IQGAP2: variants seen among roughly 807,000 people sequenced by gnomAD.
IQGAP2 encodes ras GTPase-activating-like protein IQGAP2.
IQGAP2 carries 173 observed loss-of-function variants against 201.3 expected under a neutral mutation model. The ratio of observed to expected loss-of-function variants is 0.86; its 90% CI spans 0.76 to 0.98. IQGAP2 has a LOEUF of 0.98. IQGAP2 is among the 50% of genes least tolerant of loss of function. The pLI is 0.00. For missense variants in IQGAP2, 1,687 were observed against 1,864.8 expected, an observed-to-expected ratio of 0.90 and a Z score of 1.76; for synonymous variants, 675 against 673.9, an observed-to-expected ratio of 1.00 and a Z score of -0.03.
At chr5:76,693,247 C>A in intron 30 of IQGAP2, 108 bp from the exon 31 acceptor site, 1 of 647,692 alleles carries the variant, frequency 1.5e-6, no homozygotes, top group Non-Finnish European at 2.7e-6. Flanking sequence ...AAGGTATTAT[C>A]TTTGAAGCTT....
intron 2 of IQGAP2, among the ~76,000 whole-genome samples, chr5:76,481,493 C>T (rs993806159): frequency 3.9e-5 from 6 of 152,034 alleles, no homozygotes; most frequent in Middle Eastern, 3.4e-3. Context: ...AGCAATTCTC[C>T]GGCTTTAGTC....
At chr5:76,557,987 T>C (rs1466297082) in intron 2 of IQGAP2, among the ~76,000 whole-genome samples, 2 of 152,044 alleles carry the variant, frequency 1.3e-5, no homozygotes, top group Middle Eastern at 3.2e-3. Flanking sequence ...TTGTCTTTAG[T>C]AGAGATGGGG....
chr5:76,577,963 A>G (rs932722777), intron 5 of IQGAP2, among the ~76,000 whole-genome samples: 4 of 152,222 alleles, frequency 2.6e-5, no homozygotes, highest in Non-Finnish European at 5.9e-5. Context: ...TAAGCTTGCC[A>G]GGCGCTGCCT....
chr5:76,647,900 C>T lies in IQGAP2; in HGVS notation c.2095-4850C>T, dbSNP rs1216302665. Among the ~76,000 whole-genome samples, 3 of 151,874 alleles carry T rather than the reference C, an allele frequency of 2.0e-5. No homozygotes were observed. The East Asian group carries it at 5.8e-4, about 29-fold the overall frequency. ...CACCTAGGCAGCAAAGCCTGAATGG[C>T]GAGCCTGGACTTCCACCCTCCTGGA... On this transcript the variant is annotated intron_variant, in intron 17 of 35. Coordinates refer to ENST00000274364, the MANE Select transcript of IQGAP2 (RefSeq NM_006633.5).
chr5:76,601,507 C>T (rs1747426338), intron 11 of IQGAP2, among the ~76,000 whole-genome samples: 1 of 152,172 alleles, frequency 6.6e-6, no homozygotes, highest in Non-Finnish European at 1.5e-5. Context: ...CTGAAGTGTG[C>T]TACCAGATAG....
intron 1 of IQGAP2, among the ~76,000 whole-genome samples, chr5:76,443,872 TTTTTC>T (rs1191721144): frequency 1.3e-5 from 2 of 152,212 alleles, no homozygotes; most frequent in Admixed American, 6.5e-5. Context: ...TATTGACACT[TTTTTC>T]TATTTCATAG....
intron 35 of IQGAP2, among the ~76,000 whole-genome samples, chr5:76,704,055 C>T (rs1486672276): frequency 6.6e-6 from 1 of 152,096 alleles, no homozygotes; most frequent in African/African-American, 2.4e-5. Context: ...AATTAGAATT[C>T]GGAGATAAGA....
intron 2 of IQGAP2, among the ~76,000 whole-genome samples, chr5:76,501,081 C>T (rs933716475): frequency 1.1e-4 from 16 of 150,916 alleles, no homozygotes; most frequent in African/African-American, 3.5e-4. Context: ...GTGATGATGA[C>T]GTTATGGGAA....
chr5:76,626,270 C>CTTTTCTTTTTT (rs1750221451), intron 13 of IQGAP2, among the ~76,000 whole-genome samples: 1 of 83,654 alleles, frequency 1.2e-5, no homozygotes, highest in African/African-American at 5.0e-5. Flanking sequence ...TTCTTCTTTT[C>CTTTTCTTTTTT]TTTTTTTTTT....
At chr5:76,698,569 T>G (rs1486232932) in intron 33 of IQGAP2, among the ~76,000 whole-genome samples, 1 of 152,222 alleles carries the variant, frequency 6.6e-6, no homozygotes, top group East Asian at 1.9e-4. Context: ...TGTTTTTAAA[T>G]TGCTTCATGG....
At chr5:76,442,103 C>T (rs924752742) in intron 1 of IQGAP2, among the ~76,000 whole-genome samples, 12 of 152,070 alleles carry the variant, frequency 7.9e-5, no homozygotes, top group African/African-American at 1.9e-4. Flanking sequence ...GTGATCTTAT[C>T]CCCCCATCAG....
chr5:76,591,557 C>G (rs1746654234), intron 8 of IQGAP2, among the ~76,000 whole-genome samples: 1 of 152,206 alleles, frequency 6.6e-6, no homozygotes, highest in East Asian at 1.9e-4. Flanking sequence ...GGCATTTTCT[C>G]AACTGGTGGC....
At chr5:76,652,682 T>C in intron 17 of IQGAP2, 68 bp from the exon 18 acceptor site, 1 of 1,102,764 alleles carries the variant, frequency 9.1e-7, no homozygotes, top group South Asian at 1.2e-5. Flanking sequence ...TGTGCTCTGC[T>C]CTTGCACTTC....
At chr5:76,659,878 A>C (rs912431137) in intron 21 of IQGAP2, 1 of 152,178 alleles carries the variant, frequency 6.6e-6, no homozygotes, top group Non-Finnish European at 1.5e-5. Flanking sequence ...ATAACTTCTA[A>C]ATAAATTACG....
chr5:76,463,729 C>T (rs191068153), intron 2 of IQGAP2, among the ~76,000 whole-genome samples: 44 of 152,218 alleles, frequency 2.9e-4, no homozygotes, highest in Non-Finnish European at 4.7e-4. Flanking sequence ...AAATAATTAT[C>T]AAAATGTACA....
At chr5:76,535,851 T>C (rs1007160920) in intron 2 of IQGAP2, among the ~76,000 whole-genome samples, 1 of 152,176 alleles carries the variant, frequency 6.6e-6, no homozygotes, top group Non-Finnish European at 1.5e-5. Context: ...TTACAGAGAA[T>C]GTCGGAAACA....
At chr5:76,521,950 TA>T (rs146699677) in intron 2 of IQGAP2, among the ~76,000 whole-genome samples, 39,846 of 148,744 alleles carry the variant, frequency 0.27, 5,629 homozygotes, top group Middle Eastern at 0.42. Context: ...AATTGATAAT[TA>T]AAAAAAAAAA....
intron 1 of IQGAP2, among the ~76,000 whole-genome samples, chr5:76,432,794 T>G (rs1194037721): frequency 6.6e-6 from 1 of 152,170 alleles, no homozygotes; most frequent in Non-Finnish European, 1.5e-5. Flanking sequence ...CATCACAACT[T>G]TGAGAGATAC....
chr5:76,456,380 A>G (rs1382631345), intron 1 of IQGAP2, among the ~76,000 whole-genome samples: 1 of 152,222 alleles, frequency 6.6e-6, no homozygotes, highest in Non-Finnish European at 1.5e-5. Context: ...TTGATTATGT[A>G]GTCCTTTAAA....
Sources: allele counts gnomAD v4.1 joint callset (sites outside exome capture counted in the v4.1 genomes callset), GRCh38; gene constraint gnomAD v4.1.1; transcripts MANE v1.5; gene names NCBI Gene and HGNC (gene_info 2026-07-23, HGNC 2026-07-21).